The following ZNF347 variants were observed in gnomAD, a reference collection of about 807,000 sequenced individuals.
The protein encoded by ZNF347 is zinc finger protein 347.
Under a neutral mutation model 12.9 loss-of-function variants are expected in ZNF347, and 19 were observed. That is an observed-to-expected ratio of 1.47 (90% confidence interval 1.03 to 2.16). The LOEUF is 2.16. Ranked by LOEUF, ZNF347 falls within the 30% of genes most tolerant of loss-of-function variation. The pLI, the probability that ZNF347 is intolerant of heterozygous loss-of-function variation, is 0.00. For missense variants in ZNF347, 1,005 were observed against 990.6 expected (o/e 1.01, Z -0.19); for synonymous variants, 328 against 340.6 (o/e 0.96, Z 0.41).
At chr19:53,145,096 G>C (rs1296330609) in intron 4 of ZNF347, among the ~76,000 whole-genome samples, 1 of 151,908 alleles carries the variant, frequency 6.6e-6, no homozygotes, top group East Asian at 2.0e-4. Context: ...TTCAAGACCA[G>C]CCTGGCCAAC....
chr19:53,151,377 A>C (rs1341174438), intron 2 of ZNF347, among the ~76,000 whole-genome samples: 2 of 151,894 alleles, frequency 1.3e-5, no homozygotes, highest in African/African-American at 4.8e-5. Context: ...CTACTAAAAA[A>C]ATACAAAAAA....
chr19:53,151,513 G>C (rs1158025497), intron 2 of ZNF347, among the ~76,000 whole-genome samples: 1 of 135,356 alleles, frequency 7.4e-6, no homozygotes, highest in African/African-American at 2.8e-5. Flanking sequence ...ACTCCAGCCT[G>C]GATGACAGAG....
chr19:53,150,696 C>G (rs1184892872), intron 2 of ZNF347, among the ~76,000 whole-genome samples: 1 of 152,104 alleles, frequency 6.6e-6, no homozygotes, highest in Non-Finnish European at 1.5e-5. Context: ...ACAGATGTTT[C>G]TGAGCACTTC....
intron 1 of ZNF347, among the ~76,000 whole-genome samples, chr19:53,155,879 G>A (rs1481174111): frequency 6.6e-6 from 1 of 152,144 alleles, no homozygotes; most frequent in African/African-American, 2.4e-5. Flanking sequence ...GTCCTGACAG[G>A]TGGGTGGGCC....
chr19:53,141,403 A>G lies in ZNF347; in HGVS notation c.1425T>C (p.His475=), dbSNP rs1441123990. The change falls in exon 5 of 5, where the codon CAT becomes CAC. Residue 475 remains histidine (H), a synonymous_variant. Transcript: ENST00000334197. ...VFRRNSHLAR[H]QLIHTGEKPY... is the part of the protein sequence containing the mutation. ...GTTTCTCTCCAGTATGAATTAGCTG[A>G]TGCCTTGCAAGGTGTGAATTACGCC... 1.2e-6 allele frequency: 2 copies of G among 1,613,974 alleles called. No individual in the cohort carries two copies. The highest frequency in any genetic ancestry group is 1.6e-4 in the Middle Eastern group (1 of 6,062).
At chr19:53,144,518 C>T (rs1417082502) in intron 4 of ZNF347, among the ~76,000 whole-genome samples, 3 of 151,894 alleles carry the variant, frequency 2.0e-5, no homozygotes, top group Non-Finnish European at 2.9e-5. Flanking sequence ...GACTTCAAAA[C>T]ACAATTTTTG....
intron 1 of ZNF347, among the ~76,000 whole-genome samples, chr19:53,155,555 G>A (rs1012581296): frequency 6.6e-6 from 1 of 151,796 alleles, no homozygotes; most frequent in African/African-American, 2.4e-5. Flanking sequence ...GGCTGGTCTC[G>A]AACTCCTGGA....
rs1466046705 is a variant in ZNF347, at chr19:53,140,728, C to T, written c.2100G>A (p.Gln700=). The T allele has an allele frequency of 1.2e-6, 2 of 1,612,996 alleles. No homozygotes were observed. The highest frequency in any genetic ancestry group is 8.5e-7 in the Non-Finnish European group (1 of 1,179,498). The part of the protein sequence containing the change: ...FSQTSKLARH[Q]RVHTGEKPYE... Reference sequence around the variant, plus strand: ...ATGGTTTCTCTCCAGTATGAACTCTCTGATGCCTTGCAAGCTTTGATGTTT... The same window carrying T: ...ATGGTTTCTCTCCAGTATGAACTCTTTGATGCCTTGCAAGCTTTGATGTTT... Residue 700 remains glutamine (Q), a synonymous_variant, in exon 5 of 5, where the codon CAG becomes CAA. Transcript: ENST00000334197.
chr19:53,142,662 C>G, intron 4 of ZNF347, 106 bp from the exon 5 acceptor site: 1 of 839,350 alleles, frequency 1.2e-6, no homozygotes, highest in Non-Finnish European at 1.7e-6. Flanking sequence ...AAACCAAAAG[C>G]AATTCTTATA....
Position 53,141,144 on chromosome 19 carries a change from T to G in ZNF347, c.1684A>C (p.Ile562Leu), listed in dbSNP as rs918394324. 6.2e-7 allele frequency: 1 copy of G among 1,614,084 alleles called. No individual in the cohort carries two copies. The highest frequency in any genetic ancestry group is 8.5e-7 in the Non-Finnish European group (1 of 1,179,932). Residue 562 changes from isoleucine (I) to leucine (L), a missense_variant, in exon 5 of 5, where the codon ATC becomes CTC. By Grantham distance (5) the Ile-to-Leu change is conservative. Coordinates refer to ENST00000334197, the MANE Select transcript of ZNF347 (RefSeq NM_032584.3). ...VYSSLTTHQV[I>L]HTGEKPYKCN... ...TTGTAAGGTTTTTCTCCAGTATGGA[T>G]GACCTGATGGGTAGTTAGGCTTGAA... is the stretch of plus-strand genomic sequence containing the variant.
Position 53,140,506 on chromosome 19 carries a change from A to G in ZNF347, c.2322T>C (p.Phe774=), listed in dbSNP as rs934607690. The G allele has an allele frequency of 6.2e-7, 1 of 1,613,834 alleles. No homozygotes were observed. Among genetic ancestry groups the G allele is most frequent in the Non-Finnish European group, 8.5e-7 (1 of 1,179,916 alleles). Residue 774 remains phenylalanine (F), a synonymous_variant, in exon 5 of 5, where the codon TTT becomes TTC. Transcript: ENST00000334197. ...PYKCNECGKA[F]SQTSKLARHQ... ...GCCTTGCAAGTTTTGAAGTTTGACT[A>G]AAGGCTTTGCCACACTCATTACACT...
intron 4 of ZNF347, among the ~76,000 whole-genome samples, chr19:53,147,687 C>G (rs1366317426): frequency 1.3e-5 from 2 of 151,970 alleles, no homozygotes; most frequent in Admixed American, 1.3e-4. Flanking sequence ...CCAGCATTAC[C>G]CTGATACCAA....
chr19:53,141,720 C>T lies in ZNF347; in HGVS notation c.1108G>A (p.Glu370Lys), dbSNP rs967579762. The change falls in exon 5 of 5, where the codon GAG (glutamate) becomes AAG (lysine). Residue 370 changes from glutamate (E) to lysine (K), a missense_variant. Physicochemically the swap from Glu to Lys is moderately conservative, Grantham distance 56. Transcript: ENST00000334197. The stretch of plus-strand genomic sequence containing the variant: ...CACTCATTACACTTGTAAGGTTTCT[C>T]TCCAGTATGAATTCCTCGATGTCTT... ...LVRHRGIHTG[E>K]KPYKCNECGK... 6.2e-6 allele frequency: 10 copies of T among 1,613,878 alleles called. No homozygotes were observed. Among genetic ancestry groups the T allele is most frequent in the Non-Finnish European group, 7.6e-6 (9 of 1,179,942 alleles).
Position 53,153,803 on chromosome 19 carries a change from C to G in ZNF347, c.-46-10G>C. ...TCTTCAAGGGTTCTTCCTTAGGTAACAGGAAAGTGCCTTTAGAAGTCAATA... is the reference window on the plus strand; with the variant it reads ...TCTTCAAGGGTTCTTCCTTAGGTAAGAGGAAAGTGCCTTTAGAAGTCAATA... On this transcript the variant is annotated splice_polypyrimidine_tract_variant and intron_variant, in intron 1 of 4. Transcript: ENST00000334197. 1 of 1,611,402 alleles carries G rather than the reference C, an allele frequency of 6.2e-7. No homozygotes were observed. Among genetic ancestry groups the G allele is most frequent in the African/African-American group, 1.3e-5 (1 of 74,956 alleles).
At chr19:53,148,615 A>G in intron 4 of ZNF347, 66 bp downstream of exon 4, 1 of 1,523,466 alleles carries the variant, frequency 6.6e-7, no homozygotes, top group South Asian at 1.3e-5. Flanking sequence ...GAACTCTCAG[A>G]TTTGCATAGA....
chr19:53,148,506 G>A (rs773211494), intron 4 of ZNF347, among the ~76,000 whole-genome samples, 175 bp downstream of exon 4: 3 of 152,164 alleles, frequency 2.0e-5, no homozygotes, highest in Non-Finnish European at 2.9e-5. Flanking sequence ...ACCACTGGAA[G>A]GTGAAAGGAT....
In ZNF347 at chr19:53,141,521, T is replaced by C. The variant is rs2090426814; in HGVS notation, c.1307A>G (p.Lys436Arg). 3 of 1,614,082 alleles carry C rather than the reference T, an allele frequency of 1.9e-6. No homozygotes were observed. Among genetic ancestry groups the C allele is most frequent in the Non-Finnish European group, 2.5e-6 (3 of 1,180,004 alleles). ...TAGGCTTGAACGAACACCAAAGGCT[T>C]TGCCGCACTCATTACACTTGTAAGG... ...EKPYKCNECG[K>R]AFGVRSSLAI... is the part of the protein sequence containing the mutation. The change falls in exon 5 of 5, where the codon AAA becomes AGA. Residue 436 changes from lysine (K) to arginine (R), a missense_variant. Physicochemically the swap from Lys to Arg is conservative, Grantham distance 26 (BLOSUM62 2). Transcript: ENST00000334197.
At chr19:53,153,179 C>A (rs2090509800) in intron 2 of ZNF347, among the ~76,000 whole-genome samples, 1 of 152,120 alleles carries the variant, frequency 6.6e-6, no homozygotes, top group Non-Finnish European at 1.5e-5. Context: ...GATGAAAGAA[C>A]CCTCTGTCAC....
In ZNF347 at chr19:53,135,374, A is replaced by ATG. The variant is rs2090383127; in HGVS notation, c.*4933_*4934insCA. The ATG allele has an allele frequency of 7.8e-6, 1 of 128,312 alleles. No individual in the cohort carries two copies. The highest frequency in any genetic ancestry group is 2.9e-5 in the African/African-American group (1 of 33,952). The allele number at this position is 128,312 out of a possible 1,614,324, so 7.9% of individuals were successfully genotyped here. A position where few individuals can be genotyped will look rare whatever the true frequency, so the allele number is the denominator to read the frequency against. On this transcript the variant is annotated 3_prime_UTR_variant, in exon 5 of 5. Coordinates refer to ENST00000334197, the MANE Select transcript of ZNF347 (RefSeq NM_032584.3). ...GAGAGAGAGAGAGAGAGAGAAAGAGAGAGAGAGAGAGAGAGAGAGATGGAG... is the reference window on the plus strand; with the variant it reads ...GAGAGAGAGAGAGAGAGAGAAAGAGATGGAGAGAGAGAGAGAGAGAGATGGAG...
Sources: gnomAD v4.1 joint callset for allele counts (sites outside exome capture counted in the v4.1 genomes callset) on GRCh38, gnomAD v4.1.1 for gene constraint, MANE v1.5 for transcripts, NCBI Gene and HGNC (gene_info 2026-07-23, HGNC 2026-07-21) for gene names.